UGT1A7: variants seen among roughly 807,000 people sequenced by gnomAD.
The protein encoded by UGT1A7 is UDP-glucuronosyltransferase 1A7.
Under a neutral mutation model 45.6 loss-of-function variants are expected in UGT1A7, and 33 were observed. That is an observed-to-expected ratio of 0.72 (90% CI 0.55 to 0.97). UGT1A7 has a LOEUF of 0.97. UGT1A7 is among the 50% of genes least tolerant of loss of function. The probability of loss-of-function intolerance (pLI) is 0.00; values close to 1 mark genes in which losing one functional copy is unlikely to be tolerated. For missense variants in UGT1A7, 684 were observed against 666.2 expected (o/e 1.03, Z -0.29); for synonymous variants, 274 against 250.6 (o/e 1.09, Z -0.88).
intron 1 of UGT1A7, among the ~76,000 whole-genome samples, chr2:233,712,817 A>G (rs1326884694): frequency 6.6e-6 from 1 of 152,256 alleles, no homozygotes; most frequent in Non-Finnish European, 1.5e-5. Context: ...GGTGGGGCCC[A>G]TAATGCAAGA....
intron 1 of UGT1A7, chr2:233,755,082 TCGCGTTTCTA>T (rs745681833): frequency 9.0e-6 from 12 of 1,336,714 alleles, no homozygotes; most frequent in Middle Eastern, 2.1e-4. Context: ...GTCATAGATA[TCGCGTTTCTA>T]CGCGTCCGAC....
intron 1 of UGT1A7, chr2:233,729,086 A>G: frequency 6.2e-7 from 1 of 1,612,434 alleles, no homozygotes; most frequent in African/African-American, 1.3e-5. Flanking sequence ...TAGCAGGCAC[A>G]GCGTGGGGTG....
At chr2:233,751,259 GC>G (rs1694681470) in intron 1 of UGT1A7, among the ~76,000 whole-genome samples, 1 of 151,926 alleles carries the variant, frequency 6.6e-6, no homozygotes. Flanking sequence ...GGGGCCTGTA[GC>G]CCCCTTTTTT....
chr2:233,747,775 C>G (rs1325525681), intron 1 of UGT1A7: 1 of 1,613,320 alleles, frequency 6.2e-7, no homozygotes, highest in Non-Finnish European at 8.5e-7. Context: ...ACACAGTGTC[C>G]AAATCCTTCC....
rs528268850 is a variant in UGT1A7 at position 233,694,781 on chromosome 2, G to A, written c.855+11989G>A. 3.9e-5 allele frequency among the ~76,000 whole-genome samples: 6 copies of A among 152,256 alleles called. No homozygotes were observed. The South Asian group carries it at 1.2e-3, about 32-fold the overall frequency. ...GTGAAAAGGCAAGGGTGAGGGGATG[G>A]GGATAACTGAAATGGTTCCAGGGAT... is the stretch of plus-strand genomic sequence containing the variant. On this transcript the variant is annotated intron_variant, in intron 1 of 4. Coordinates refer to ENST00000373426, the MANE Select transcript of UGT1A7 (RefSeq NM_019077.3).
intron 1 of UGT1A7, chr2:233,754,837 T>G (rs1695606156): frequency 1.5e-6 from 2 of 1,344,356 alleles, no homozygotes; most frequent in South Asian, 2.3e-5. Flanking sequence ...GGAAATTCAC[T>G]GAAGGCAGAG....
At chr2:233,717,422 G>A (rs1452030789) in intron 1 of UGT1A7, among the ~76,000 whole-genome samples, 1 of 152,202 alleles carries the variant, frequency 6.6e-6, no homozygotes, top group African/African-American at 2.4e-5. Context: ...CTTGAGCTGG[G>A]TGTCCCTCTG....
At position 233,765,423 on chromosome 2, in the gene UGT1A7, G is replaced by A. The variant is rs181881481; in HGVS notation, c.856-1611G>A. Among the ~76,000 whole-genome samples, 139 of 152,286 alleles carry A rather than the reference G, an allele frequency of 9.1e-4. 2 individuals carry two copies. Among genetic ancestry groups the A allele is most frequent in the Non-Finnish European group, 1.8e-3 (124 of 68,036 alleles). On this transcript the variant is annotated intron_variant, in intron 1 of 4. Coordinates refer to ENST00000373426, the MANE Select transcript of UGT1A7 (RefSeq NM_019077.3). ...CATATACACCATGGAATACTATGCA[G>A]CCATAACAAGGAATGAGATCATATT...
chr2:233,731,462 C>T (rs1354411631), intron 1 of UGT1A7, among the ~76,000 whole-genome samples: 13 of 152,008 alleles, frequency 8.6e-5, no homozygotes, highest in African/African-American at 2.4e-4. Context: ...CAGGCCCTGG[C>T]GTGTGATGTT....
intron 1 of UGT1A7, among the ~76,000 whole-genome samples, chr2:233,686,411 G>A (rs1479492312): frequency 6.6e-6 from 1 of 152,120 alleles, no homozygotes; most frequent in African/African-American, 2.4e-5. Flanking sequence ...ATTAAGGTGT[G>A]CAGATAAACA....
intron 1 of UGT1A7, chr2:233,760,455 A>T (rs2125984333): frequency 6.2e-7 from 1 of 1,614,200 alleles, no homozygotes; most frequent in Non-Finnish European, 8.5e-7. Context: ...GGGGACATGA[A>T]ATAGTTGTCC....
chr2:233,748,079 G>A (rs1693856284), intron 1 of UGT1A7: 2 of 1,613,192 alleles, frequency 1.2e-6, no homozygotes, highest in Middle Eastern at 3.4e-4. Flanking sequence ...CACTATCTCA[G>A]GTCGGTGTTC....
intron 1 of UGT1A7, 112 bp from the exon 2 acceptor site, chr2:233,766,922 G>C (rs955173337): frequency 6.4e-7 from 1 of 1,559,654 alleles, no homozygotes; most frequent in Non-Finnish European, 8.6e-7. Flanking sequence ...TCTCAAACAC[G>C]CATGCCTTTA....
chr2:233,772,282 G>T lies in UGT1A7; in HGVS notation c.1316G>T (p.Arg439Leu), dbSNP rs748166510. 6.2e-7 allele frequency: 1 copy of T among 1,614,194 alleles called. No homozygotes were observed. Among genetic ancestry groups the T allele is most frequent in the Non-Finnish European group, 8.5e-7 (1 of 1,180,040 alleles). The change falls in exon 5 of 5, where the codon CGC becomes CTC. Residue 439 changes from arginine (R) to leucine (L), a missense_variant. By Grantham distance (102) the Arg-to-Leu change is moderately radical. Transcript: ENST00000373426. ...TTTAGTTACAAGGAGAACATCATGC[G>T]CCTCTCCAGCCTTCACAAGGACCGC... ...NDKSYKENIM[R>L]LSSLHKDRPV...
intron 2 of UGT1A7, 46 bp downstream of exon 2, chr2:233,767,211 C>T (rs780479302): frequency 1.9e-5 from 30 of 1,612,468 alleles, no homozygotes; most frequent in South Asian, 1.5e-4. Flanking sequence ...TTCACAGGAG[C>T]GCTAATCCCA....
chr2:233,760,564 G>C, intron 1 of UGT1A7: 1 of 1,614,242 alleles, frequency 6.2e-7, no homozygotes, highest in Non-Finnish European at 8.5e-7. Context: ...AGAGTCTTTT[G>C]TTAGTCTCGG....
In UGT1A7 at chr2:233,682,690, G is replaced by A. The variant is rs376167596; in HGVS notation, c.753G>A (p.Trp251Ter). ...ATCTCTACAGCCACACATCAATTTG[G>A]TTGTTGCGAACTGACTTTGTTTTGG... ...AYDLYSHTSI[W>*]LLRTDFVLEY... The change falls in exon 1 of 5, where the codon TGG becomes TGA. Residue 251 changes from tryptophan (W) to a stop codon, truncating the protein, a stop_gained. Transcript: ENST00000373426. LOFTEE classifies it high-confidence loss of function. 6.2e-6 allele frequency: 10 copies of A among 1,613,696 alleles called. No homozygotes were observed. Among genetic ancestry groups the A allele is most frequent in the African/African-American group, 2.7e-5 (2 of 74,886 alleles).
intron 1 of UGT1A7, among the ~76,000 whole-genome samples, chr2:233,766,184 T>A (rs1169450089): frequency 6.6e-6 from 1 of 152,052 alleles, no homozygotes; most frequent in Non-Finnish European, 1.5e-5. Context: ...ATTGAGTGGA[T>A]GTAGCTCTCA....
intron 1 of UGT1A7, chr2:233,753,763 T>C (rs1695302197): frequency 1.3e-5 from 2 of 152,344 alleles, no homozygotes; most frequent in South Asian, 4.1e-4. Context: ...TGCGTGGCCC[T>C]TTGGAAACGC....
Sources: gnomAD v4.1 joint callset for allele counts (sites outside exome capture counted in the v4.1 genomes callset) on GRCh38, gnomAD v4.1.1 for gene constraint, MANE v1.5 for transcripts, NCBI Gene and HGNC (gene_info 2026-07-23, HGNC 2026-07-21) for gene names.